TATDN2: variants seen among roughly 807,000 people sequenced by gnomAD.
TATDN2 encodes TatD DNase domain containing 2.
A neutral mutation model predicts 60.3 loss-of-function variants in TATDN2; 44 were observed. The observed-to-expected ratio is 0.73, with a 90% CI of 0.57 to 0.94. The LOEUF is 0.94. Ranked by LOEUF, TATDN2 falls within the 40% of genes least tolerant of loss-of-function variation. The pLI, the probability that TATDN2 is intolerant of heterozygous loss-of-function variation, is 0.00. For missense variants in TATDN2, 997 were observed against 948.0 expected (o/e 1.05, Z -0.68); for synonymous variants, 399 against 355.8 (o/e 1.12, Z -1.37).
chr3:10,260,892 A>G (rs574178694), intron 3 of TATDN2, among the ~76,000 whole-genome samples: 4 of 148,818 alleles, frequency 2.7e-5, no homozygotes, highest in Admixed American at 2.0e-4. Context: ...AAGGATTTAT[A>G]TGTTAGGATA....
intron 2 of TATDN2, among the ~76,000 whole-genome samples, chr3:10,259,286 G>A (rs115704831): frequency 0.014 from 2,179 of 152,368 alleles, 48 homozygotes; most frequent in African/African-American, 0.049. Context: ...ATGAGCCACT[G>A]TACCTGGTCT....
At chr3:10,261,196 G>T (rs749404524) in intron 3 of TATDN2, among the ~76,000 whole-genome samples, 1 of 152,194 alleles carries the variant, frequency 6.6e-6, no homozygotes, top group Non-Finnish European at 1.5e-5. Context: ...GTTGACAAGA[G>T]CGGGGAAACC....
rs186061295 is a variant in TATDN2, at chr3:10,278,851, C to A, written c.2146-34C>A. On this transcript the variant is annotated intron_variant, in intron 6 of 7. Coordinates refer to ENST00000448281, the MANE Select transcript of TATDN2 (RefSeq NM_014760.4). The surrounding 1 kb of genome is among the most constrained non-coding windows in gnomAD (Gnocchi z 4.7). ...CTAGATTATGACTGTGCACACATGG[C>A]ACAATGATGTTATGACCACTTGATG... The A allele has an allele frequency of 3.1e-5, 50 of 1,613,806 alleles. No homozygotes were observed. In the African/African-American group the frequency reaches 4.4e-4, roughly 14 times the overall value.
At chr3:10,267,705 T>C (rs575564247) in intron 3 of TATDN2, among the ~76,000 whole-genome samples, 21 of 152,364 alleles carry the variant, frequency 1.4e-4, no homozygotes, top group African/African-American at 4.8e-4. Context: ...TCATATCACA[T>C]TGAGGCAGTC....
At chr3:10,257,746 A>T (rs968053251) in intron 2 of TATDN2, among the ~76,000 whole-genome samples, 1 of 149,234 alleles carries the variant, frequency 6.7e-6, no homozygotes, top group Non-Finnish European at 1.5e-5. Context: ...CACCTTTCCT[A>T]TTCATCTTCG....
chr3:10,274,789 A>G (rs1310156876), intron 4 of TATDN2, among the ~76,000 whole-genome samples: 1 of 152,158 alleles, frequency 6.6e-6, no homozygotes, highest in Non-Finnish European at 1.5e-5. Context: ...CAGAATTGGT[A>G]TTGGCTTAGT....
chr3:10,256,574 G>A (rs1462382397), intron 2 of TATDN2, among the ~76,000 whole-genome samples: 1 of 152,010 alleles, frequency 6.6e-6, no homozygotes, highest in Non-Finnish European at 1.5e-5. Flanking sequence ...TGGTTGAAAA[G>A]TGCACTAAAT....
At chr3:10,257,854 TTTTTTTTTTTTTTTTTTTTTTTG>T (rs972309388) in intron 2 of TATDN2, among the ~76,000 whole-genome samples, 10 of 82,604 alleles carry the variant, frequency 1.2e-4, no homozygotes, top group South Asian at 4.9e-4. Flanking sequence ...TTTTTTTTTT[TTTTTTTTTTTTTTTTTTTTTTTG>T]GGAGATGGAG....
At chr3:10,263,063 G>T (rs1039218648) in intron 3 of TATDN2, among the ~76,000 whole-genome samples, 3 of 152,072 alleles carry the variant, frequency 2.0e-5, no homozygotes, top group Non-Finnish European at 4.4e-5. Context: ...ACCACACCCG[G>T]CTAATTTTTG....
At chr3:10,250,650 T>C (rs868371922) in intron 2 of TATDN2, among the ~76,000 whole-genome samples, 1 of 152,238 alleles carries the variant, frequency 6.6e-6, no homozygotes, top group Non-Finnish European at 1.5e-5. Context: ...ACTCATAGGC[T>C]AAGTGCCCCT....
chr3:10,253,632 G>A (rs938948455), intron 2 of TATDN2, among the ~76,000 whole-genome samples: 2 of 152,212 alleles, frequency 1.3e-5, no homozygotes, highest in African/African-American at 4.8e-5. Flanking sequence ...AAGAATGGAA[G>A]GGAAAATTTG....
chr3:10,267,238 C>T (rs539078463), intron 3 of TATDN2, among the ~76,000 whole-genome samples: 1 of 150,902 alleles, frequency 6.6e-6, no homozygotes, highest in Admixed American at 6.6e-5. Context: ...TCTTGAATAT[C>T]GGCAGTCTCC....
chr3:10,276,211 T>G lies in TATDN2; in HGVS notation c.1834-150T>G, dbSNP rs1465203549. 5 of 1,068,170 alleles carry G rather than the reference T, an allele frequency of 4.7e-6. No individual in the cohort carries two copies. The East Asian group carries it at 7.7e-5, about 16-fold the overall frequency. 66.2% of individuals were successfully genotyped at this position (1,068,170 alleles called of 1,614,324 possible). A position where few individuals can be genotyped will look rare whatever the true frequency, so the allele number is the denominator to read the frequency against. On this transcript the variant is annotated intron_variant, in intron 4 of 7. Transcript: ENST00000448281. Reference sequence around the variant, plus strand: ...TGCTTTGGGCACTACCTGGCTCTATTGTAAGTGACCAATAATCATTAGCTA... The same window carrying G: ...TGCTTTGGGCACTACCTGGCTCTATGGTAAGTGACCAATAATCATTAGCTA...
At chr3:10,272,751 A>G (rs1576015631) in intron 4 of TATDN2, among the ~76,000 whole-genome samples, 3 of 148,596 alleles carry the variant, frequency 2.0e-5, no homozygotes, top group African/African-American at 7.5e-5. Context: ...TTAGCTGGGT[A>G]TAGCTGGGTG....
At position 10,278,591 on chromosome 3, in the gene TATDN2, C is replaced by A; in HGVS notation, c.2145+129C>A. On this transcript the variant is annotated intron_variant, in intron 6 of 7. Coordinates refer to ENST00000448281, the MANE Select transcript of TATDN2 (RefSeq NM_014760.4). This position sits in a 1 kb window ranked among gnomAD's most constrained non-coding sequence, Gnocchi z 4.7. ...GGTCCCATCCTGGGCTGTGTAGATG[C>A]CTCCTTGCTGTTACTCTGCAGAACC... 1 of 1,283,726 alleles carries A rather than the reference C, an allele frequency of 7.8e-7. No individual in the cohort carries two copies. Among genetic ancestry groups the A allele is most frequent in the Non-Finnish European group, 1.1e-6 (1 of 892,490 alleles). The allele number at this position is 1,283,726 out of a possible 1,614,324, so 79.5% of individuals were successfully genotyped here. A position where few individuals can be genotyped will look rare whatever the true frequency, so the allele number is the denominator to read the frequency against.
chr3:10,266,931 C>CTTTTTTTTTTTTTTTTTTTTTTTTT (rs199956355), intron 3 of TATDN2, among the ~76,000 whole-genome samples: 1 of 126,904 alleles, frequency 7.9e-6, no homozygotes, highest in Non-Finnish European at 1.6e-5. Flanking sequence ...CTAAGGCAGT[C>CTTTTTTTTTTTTTTTTTTTTTTTTT]TTTTTTTTTT....
intron 3 of TATDN2, among the ~76,000 whole-genome samples, chr3:10,265,667 G>A (rs1366158793): frequency 8.3e-6 from 1 of 120,170 alleles, no homozygotes; most frequent in Non-Finnish European, 1.6e-5. Context: ...GGGCAACAGA[G>A]CAAGACTCCG....
intron 3 of TATDN2, among the ~76,000 whole-genome samples, chr3:10,263,233 G>A (rs1327731166): frequency 1.3e-5 from 2 of 150,122 alleles, no homozygotes; most frequent in Non-Finnish European, 3.0e-5. Flanking sequence ...GTGGAATCTT[G>A]TAGAATATAT....
chr3:10,276,127 A>C (rs969976268), intron 4 of TATDN2, among the ~76,000 whole-genome samples: 1 of 152,280 alleles, frequency 6.6e-6, no homozygotes, highest in African/African-American at 2.4e-5. Context: ...CATGCTGCGC[A>C]GACAGCAGCA....
Sources: gnomAD v4.1 joint callset for allele counts (sites outside exome capture counted in the v4.1 genomes callset) on GRCh38, gnomAD v4.1.1 for gene constraint, Gnocchi (gnomAD v3.1) non-coding constraint, MANE v1.5 for transcripts, NCBI Gene and HGNC (gene_info 2026-07-23, HGNC 2026-07-21) for gene names.